TRMT11: variants seen among roughly 807,000 people sequenced by gnomAD.
The protein encoded by TRMT11 is tRNA (guanine(10)-N(2))-methyltransferase TRMT11.
In TRMT11, 53 loss-of-function variants were observed where a neutral mutation model predicts 62.8. The observed-to-expected ratio is 0.84, with a 90% CI of 0.68 to 1.06. The LOEUF is 1.06. Ranked by LOEUF, TRMT11 falls within the 50% of genes least tolerant of loss-of-function variation. The pLI is 0.00. For missense variants in TRMT11, 556 were observed against 553.4 expected (o/e 1.00, Z -0.05); for synonymous variants, 188 against 190.3 (o/e 0.99, Z 0.10).
At chr6:126,092,367 A>G (rs1183988468) in intron 17 of TRMT11, among the ~76,000 whole-genome samples, 3 of 152,184 alleles carry the variant, frequency 2.0e-5, no homozygotes, top group Admixed American at 1.3e-4. Flanking sequence ...CCTATCTTAC[A>G]TGGTGGCAGG....
chr6:126,190,065 AT>A (rs1332473310), intron 1 of TRMT11, among the ~76,000 whole-genome samples: 1 of 152,100 alleles, frequency 6.6e-6, no homozygotes, highest in African/African-American at 2.4e-5. Flanking sequence ...AAACATTATA[AT>A]TTCTTCTTTT....
intron 11 of TRMT11, 37 bp from the exon 12 acceptor site, chr6:126,021,123 T>A: frequency 6.2e-7 from 1 of 1,611,638 alleles, no homozygotes; most frequent in Non-Finnish European, 8.5e-7. Context: ...GGCCCACACA[T>A]GTGAGTGTTC....
intron 17 of TRMT11, among the ~76,000 whole-genome samples, chr6:126,067,846 G>A (rs181667860): frequency 2.4e-4 from 36 of 152,184 alleles, no homozygotes; most frequent in African/African-American, 3.4e-4. Context: ...TCTAACTGAC[G>A]CAATCTTTAA....
chr6:126,246,969 C>T, the TRMT11 span, among the ~76,000 whole-genome samples: 3 of 152,144 alleles, frequency 2.0e-5, no homozygotes, highest in Admixed American at 6.5e-5. Context: ...CAGAGGGCTG[C>T]GGTGAAGGTA....
chr6:126,071,083 C>T (rs1049979477), intron 17 of TRMT11, among the ~76,000 whole-genome samples: 4 of 152,144 alleles, frequency 2.6e-5, no homozygotes, highest in Admixed American at 6.6e-5. Context: ...GGCCTTCTTA[C>T]GCCCTCAACT....
At position 126,014,701 on chromosome 6, in the gene TRMT11, G is replaced by A. The variant is rs148998947; in HGVS notation, c.1139+1600G>A. On this transcript the variant is annotated intron_variant, in intron 11 of 12. Transcript: ENST00000334379. Reference sequence around the variant, plus strand: ...ATTACCATGGCCTAACTCTAGTTATGCATTTCGTTATCAGCTGATAAGAGA... The same window carrying A: ...ATTACCATGGCCTAACTCTAGTTATACATTTCGTTATCAGCTGATAAGAGA... Among the ~76,000 whole-genome samples the A allele has an allele frequency of 6.1e-3, 922 of 152,210 alleles. 9 individuals are homozygous for A. The highest frequency in any genetic ancestry group is 0.01 in the Admixed American group (158 of 15,294).
intron 2 of TRMT11, among the ~76,000 whole-genome samples, chr6:125,994,368 G>A (rs1791122699): frequency 6.8e-6 from 1 of 148,146 alleles, no homozygotes; most frequent in African/African-American, 2.5e-5. Flanking sequence ...TCTGTAGTCT[G>A]TGTTTCTCAC....
intron 17 of TRMT11, among the ~76,000 whole-genome samples, chr6:126,090,083 C>T (rs140615910): frequency 4.9e-4 from 75 of 152,294 alleles, no homozygotes; most frequent in Non-Finnish European, 7.9e-4. Context: ...TCCTCCAAGA[C>T]GCTCAGACAT....
intron 3 of TRMT11, among the ~76,000 whole-genome samples, chr6:126,201,699 C>G (rs1411605336): frequency 6.6e-6 from 1 of 152,110 alleles, no homozygotes; most frequent in African/African-American, 2.4e-5. Flanking sequence ...CTGCTCTTCT[C>G]CTATATTTTT....
intron 21 of TRMT11, among the ~76,000 whole-genome samples, chr6:126,147,214 G>C (rs1412411981): frequency 6.6e-6 from 1 of 152,134 alleles, no homozygotes; most frequent in Non-Finnish European, 1.5e-5. Flanking sequence ...AAAGACTATA[G>C]AGTTTTAGAG....
chr6:126,238,960 T>C, the TRMT11 span, among the ~76,000 whole-genome samples: 1 of 152,222 alleles, frequency 6.6e-6, no homozygotes, highest in Non-Finnish European at 1.5e-5. Flanking sequence ...TTTACCATTA[T>C]GTAATGGCCT....
chr6:126,134,456 T>A (rs528996773), intron 21 of TRMT11, among the ~76,000 whole-genome samples: 1 of 151,946 alleles, frequency 6.6e-6, no homozygotes, highest in South Asian at 2.1e-4. Flanking sequence ...CATACCATAG[T>A]AAATACATAT....
intron 21 of TRMT11, among the ~76,000 whole-genome samples, chr6:126,165,378 A>G (rs1778246468): frequency 6.6e-6 from 1 of 151,546 alleles, no homozygotes; most frequent in African/African-American, 2.4e-5. Flanking sequence ...CATAGTGTTG[A>G]TGGTCTTTAC....
the TRMT11 span, among the ~76,000 whole-genome samples, chr6:126,228,750 A>AT: frequency 7.9e-5 from 12 of 152,170 alleles, no homozygotes; most frequent in East Asian, 5.8e-4. Context: ...ACAGCACACC[A>AT]TTTTAATGAT....
At chr6:126,231,162 TA>T in the TRMT11 span, among the ~76,000 whole-genome samples, 1 of 152,322 alleles carries the variant, frequency 6.6e-6, no homozygotes, top group South Asian at 2.1e-4. Context: ...GCAAGATTTT[TA>T]AAAATCTACT....
chr6:126,156,260 G>C (rs1208236413), intron 21 of TRMT11, among the ~76,000 whole-genome samples: 1 of 152,154 alleles, frequency 6.6e-6, no homozygotes, highest in Non-Finnish European at 1.5e-5. Flanking sequence ...GGTCTGAGGG[G>C]GTGGAGGACC....
intron 17 of TRMT11, among the ~76,000 whole-genome samples, chr6:126,105,511 G>T (rs2128182732): frequency 6.6e-6 from 1 of 152,256 alleles, no homozygotes; most frequent in South Asian, 2.1e-4. Context: ...GAAGCCAGAT[G>T]ATGCGGGGTA....
the TRMT11 span, among the ~76,000 whole-genome samples, chr6:126,238,505 A>G: frequency 6.6e-6 from 1 of 152,026 alleles, no homozygotes; most frequent in East Asian, 1.9e-4. Flanking sequence ...TTCAGTTTCC[A>G]TGTAGTTGAG....
At chr6:126,219,576 C>G in the TRMT11 span, among the ~76,000 whole-genome samples, 2 of 152,196 alleles carry the variant, frequency 1.3e-5, no homozygotes, top group African/African-American at 4.8e-5. Context: ...ATCAGCACTT[C>G]CTTAAGGAAG....
Sources: allele counts gnomAD v4.1 joint callset (sites outside exome capture counted in the v4.1 genomes callset), GRCh38; gene constraint gnomAD v4.1.1; transcripts MANE v1.5; gene names NCBI Gene and HGNC (gene_info 2026-07-23, HGNC 2026-07-21).